Variants in NPR3 observed in about 807,000 individuals in gnomAD.
NPR3 encodes the protein atrial natriuretic peptide receptor 3.
NPR3 carries 34 observed loss-of-function variants against 54.5 expected under a neutral mutation model. The ratio of observed to expected loss-of-function variants is 0.62; its 90% CI spans 0.47 to 0.83. NPR3 has a LOEUF of 0.83. Among genes scored for constraint, NPR3 ranks in the 40% least tolerant of loss-of-function variants. The pLI, the probability that NPR3 is intolerant of heterozygous loss-of-function variation, is 0.00. For synonymous variants in NPR3, 289 were observed against 297.1 expected, an observed-to-expected ratio of 0.97 and a Z score of 0.28; for missense variants, 674 against 720.8, an observed-to-expected ratio of 0.94 and a Z score of 0.74.
Position 32,712,485 on chromosome 5 carries a change from G to C in NPR3, c.709G>C (p.Asp237His), listed in dbSNP as rs1262828316. The C allele has an allele frequency of 3.8e-6, 6 of 1,576,254 alleles. No homozygotes were observed. The highest frequency in any genetic ancestry group is 5.2e-6 in the Non-Finnish European group (6 of 1,162,888). ...EGLHTSIYSF[D>H]ETKDLDLEDI... ...TTTGCACACGTCCATCTACAGTTTC[G>C]ACGAGACCAAAGACTTGGATCTGGA... Residue 237 changes from aspartate (D) to histidine (H), a missense_variant, in exon 1 of 8, where the codon GAC (aspartate) becomes CAC (histidine). Asp to His is a moderately conservative substitution (Grantham distance 81). Transcript: ENST00000265074.
intron 1 of NPR3, among the ~76,000 whole-genome samples, chr5:32,698,245 C>T (rs1158217276): frequency 6.6e-6 from 1 of 151,952 alleles, no homozygotes; most frequent in African/African-American, 2.4e-5. Context: ...CTTCATTAAC[C>T]CACAGGTCAT....
chr5:32,742,614 A>G (rs1740091901), intron 3 of NPR3, among the ~76,000 whole-genome samples: 1 of 152,224 alleles, frequency 6.6e-6, no homozygotes, highest in Non-Finnish European at 1.5e-5. Flanking sequence ...TGTATTAAAC[A>G]GAAGCAGTGA....
chr5:32,716,784 G>C (rs1474855065), intron 1 of NPR3: 1 of 152,714 alleles, frequency 6.5e-6, no homozygotes, highest in Non-Finnish European at 1.5e-5. Context: ...TTGTTTATTT[G>C]CTTAATTTCC....
Position 32,790,791 on chromosome 5 carries a change from G to A in NPR3, c.*4446G>A, listed in dbSNP as rs1446977528. 3 of 167,024 alleles carry A rather than the reference G, an allele frequency of 1.8e-5. No homozygotes were observed. The highest frequency in any genetic ancestry group is 7.2e-5 in the African/African-American group (3 of 41,440). The allele number at this position is 167,024 out of a possible 1,614,324, so 10.3% of individuals were successfully genotyped here. ...GTTTTAAGTGACTTCAAACACAATG[G>A]AAGTGTTTCAATGGGAGCCAGATCT... On this transcript the variant is annotated 3_prime_UTR_variant, in exon 8 of 8. Transcript: ENST00000265074.
rs371624453 is a variant in NPR3, at chr5:32,782,960, G to A, written c.1358G>A (p.Gly453Asp). The change falls in exon 6 of 8, where the codon GGC becomes GAC. Residue 453 changes from glycine to aspartate, a missense_variant. Transcript: ENST00000265074. Reference sequence around the variant, plus strand: ...CGGCCGAATGTCAAATATCCTTGGGGCCCTTTAAAACTGAGAATAGATGAA... The same window carrying A: ...CGGCCGAATGTCAAATATCCTTGGGACCCTTTAAAACTGAGAATAGATGAA... ...EMRPNVKYPWGPLKLRIDENR... is the reference protein window; with the variant it reads ...EMRPNVKYPWDPLKLRIDENR... 1 of 1,610,192 alleles carries A rather than the reference G, an allele frequency of 6.2e-7. No individual in the cohort carries two copies. Among genetic ancestry groups the A allele is most frequent in the Non-Finnish European group, 8.5e-7 (1 of 1,177,850 alleles).
chr5:32,761,860 G>C (rs1406493324), intron 3 of NPR3, among the ~76,000 whole-genome samples: 1 of 151,200 alleles, frequency 6.6e-6, no homozygotes, highest in African/African-American at 2.4e-5. Context: ...TGTTACATAG[G>C]TATACACGTG....
upstream of NPR3, chr5:32,710,690 T>C (rs1738162298): frequency 1.3e-6 from 2 of 1,544,576 alleles, no homozygotes; most frequent in Non-Finnish European, 1.7e-6. Context: ...GGGACCTTGG[T>C]CCTTGTTCCC....
chr5:32,726,859 T>C (rs945501128), intron 2 of NPR3, among the ~76,000 whole-genome samples: 37 of 152,238 alleles, frequency 2.4e-4, no homozygotes, highest in African/African-American at 8.4e-4. Flanking sequence ...ATTTTATAAA[T>C]ACATGTTTTA....
chr5:32,783,672 G>A (rs1350749477), intron 6 of NPR3: 2 of 152,164 alleles, frequency 1.3e-5, no homozygotes, highest in Non-Finnish European at 2.9e-5. Context: ...TAAACTGTTA[G>A]GTATTTATGT....
intron 1 of NPR3, among the ~76,000 whole-genome samples, chr5:32,720,742 T>C (rs1312772611): frequency 1.3e-5 from 2 of 152,208 alleles, no homozygotes; most frequent in African/African-American, 4.8e-5. Flanking sequence ...CCTCCACTTA[T>C]GCAGGTCGCA....
At chr5:32,768,029 T>C (rs1233871679) in intron 3 of NPR3, among the ~76,000 whole-genome samples, 2 of 152,196 alleles carry the variant, frequency 1.3e-5, no homozygotes, top group African/African-American at 4.8e-5. Flanking sequence ...CCCGGCACAG[T>C]TGCAGGGTGA....
intron 3 of NPR3, among the ~76,000 whole-genome samples, chr5:32,760,291 A>T (rs867091735): frequency 6.6e-6 from 1 of 152,188 alleles, no homozygotes; most frequent in Admixed American, 6.5e-5. Flanking sequence ...AAGCTGTCAA[A>T]GTAGTATCAT....
chr5:32,725,140 TA>T (rs1398676189), intron 2 of NPR3, among the ~76,000 whole-genome samples: 1 of 152,034 alleles, frequency 6.6e-6, no homozygotes, highest in East Asian at 1.9e-4. Context: ...GGGGGTGGGT[TA>T]AAAAACCCTG....
chr5:32,740,952 A>G (rs1205553836), intron 3 of NPR3, among the ~76,000 whole-genome samples: 1 of 152,090 alleles, frequency 6.6e-6, no homozygotes, highest in African/African-American at 2.4e-5. Context: ...CACAAAGGGT[A>G]CTGAACTTCC....
At chr5:32,726,833 T>A (rs115670584) in intron 2 of NPR3, among the ~76,000 whole-genome samples, 2,892 of 152,328 alleles carry the variant, frequency 0.019, 46 homozygotes, top group Non-Finnish European at 0.027. Flanking sequence ...TTTTTGGAAG[T>A]ATGTACATCC....
At chr5:32,710,717 G>T (rs961924402), upstream of NPR3, 3 of 1,547,408 alleles carry the variant, frequency 1.9e-6, no homozygotes, top group African/African-American at 4.1e-5. Flanking sequence ...TGCGCCGAGG[G>T]ACCAGGAAGG....
intron 2 of NPR3, among the ~76,000 whole-genome samples, chr5:32,737,037 T>C (rs817895): frequency 0.026 from 3,973 of 152,304 alleles, 169 homozygotes; most frequent in African/African-American, 0.09. Context: ...AGTGCCCAGC[T>C]GCCTCCTGGC....
chr5:32,697,179 T>C (rs191310998), intron 1 of NPR3, among the ~76,000 whole-genome samples: 6 of 152,290 alleles, frequency 3.9e-5, no homozygotes, highest in Non-Finnish European at 7.4e-5. Context: ...GAGGGCTTTT[T>C]AAATTGTGAA....
chr5:32,739,157 G>T, intron 3 of NPR3, 127 bp downstream of exon 3: 1 of 842,208 alleles, frequency 1.2e-6, no homozygotes, highest in Non-Finnish European at 1.8e-6. Context: ...GAATGTCACT[G>T]TTGCCTTCTG....
Sources: allele counts gnomAD v4.1 joint callset (sites outside exome capture counted in the v4.1 genomes callset), GRCh38; gene constraint gnomAD v4.1.1; transcripts MANE v1.5; gene names NCBI Gene and HGNC (gene_info 2026-07-23, HGNC 2026-07-21).